KAZN: variants seen among roughly 807,000 people sequenced by gnomAD.
KAZN encodes kazrin.
A neutral mutation model predicts 87.4 loss-of-function variants in KAZN; 40 were observed. That is an observed-to-expected ratio of 0.46 (90% CI 0.36 to 0.60). KAZN has a LOEUF of 0.60. Ranked by LOEUF, KAZN falls within the 20% of genes least tolerant of loss-of-function variation. The pLI is 0.00. For synonymous variants in KAZN, 466 were observed against 458.3 expected (o/e 1.02, Z -0.22); for missense variants, 898 against 1,073.9 (o/e 0.84, Z 2.29).
intron 2 of KAZN, among the ~76,000 whole-genome samples, chr1:15,030,279 A>AT (rs1342900981): frequency 6.6e-6 from 1 of 151,808 alleles, no homozygotes; most frequent in Non-Finnish European, 1.5e-5. Flanking sequence ...GTATTACTTT[A>AT]TTTTTTGAGA....
At chr1:14,141,834 T>C (rs559692402) in intron 1 of KAZN, among the ~76,000 whole-genome samples, 24 of 152,222 alleles carry the variant, frequency 1.6e-4, no homozygotes, top group Non-Finnish European at 3.2e-4. Context: ...TAATGGCGTG[T>C]TTTTGTTTGT....
At position 14,420,875 on chromosome 1, in the gene KAZN, C is replaced by G. The variant is rs532392161; in HGVS notation, c.250-178108C>G. On this transcript the variant is annotated intron_variant, in intron 2 of 16. Transcript: ENST00000636203. ...GCTGCGCACAGCCCCGGTTGCCGCCCGCACCTCTCCCTCCACACCTCCCCT... is the reference window on the plus strand; with the variant it reads ...GCTGCGCACAGCCCCGGTTGCCGCCGGCACCTCTCCCTCCACACCTCCCCT... Among the ~76,000 whole-genome samples the G allele has an allele frequency of 7.2e-5, 11 of 152,120 alleles. No individual in the cohort carries two copies. In the South Asian group the frequency reaches 1.9e-3, roughly 26 times the overall value.
chr1:14,013,604 A>AGG (rs1461649211), intron 1 of KAZN, among the ~76,000 whole-genome samples: 1 of 152,216 alleles, frequency 6.6e-6, no homozygotes, highest in Non-Finnish European at 1.5e-5. Context: ...GGCACCAGAA[A>AGG]GGAAGGGTTC....
At chr1:13,978,705 T>G (rs896555429) in intron 1 of KAZN, among the ~76,000 whole-genome samples, 9 of 151,652 alleles carry the variant, frequency 5.9e-5, no homozygotes. Context: ...AAAAGTGAAG[T>G]GGGAAAATGT....
chr1:14,738,674 C>T (rs12125450), intron 1 of KAZN, among the ~76,000 whole-genome samples: 43,229 of 151,806 alleles, frequency 0.28, 7,514 homozygotes, highest in Middle Eastern at 0.45. Flanking sequence ...ACTGAGGCCC[C>T]GGGAACTGTG....
intron 1 of KAZN, among the ~76,000 whole-genome samples, chr1:14,154,239 T>C (rs1462384937): frequency 6.6e-6 from 1 of 152,218 alleles, no homozygotes; most frequent in Non-Finnish European, 1.5e-5. Flanking sequence ...TTCCTAGGTA[T>C]TTAATGTTCT....
At chr1:14,801,369 G>A (rs11590793) in intron 1 of KAZN, among the ~76,000 whole-genome samples, 12,027 of 152,200 alleles carry the variant, frequency 0.079, 984 homozygotes, top group African/African-American at 0.21. Flanking sequence ...ACGAGGGGTG[G>A]CACGCACAGG....
intron 1 of KAZN, among the ~76,000 whole-genome samples, chr1:14,021,760 T>G (rs1640834390): frequency 6.6e-6 from 1 of 152,202 alleles, no homozygotes; most frequent in Admixed American, 6.5e-5. Context: ...GTCCTGATGG[T>G]CAGCATCTTA....
At chr1:14,311,151 C>G (rs1419810331) in intron 2 of KAZN, among the ~76,000 whole-genome samples, 1 of 152,190 alleles carries the variant, frequency 6.6e-6, no homozygotes, top group East Asian at 1.9e-4. Flanking sequence ...CCAGCCTTCT[C>G]TGCTGGACCA....
At chr1:14,231,294 G>T (rs1422114364) in intron 2 of KAZN, among the ~76,000 whole-genome samples, 1 of 152,066 alleles carries the variant, frequency 6.6e-6, no homozygotes, top group African/African-American at 2.4e-5. Flanking sequence ...CTGAATTGCT[G>T]GTTTGTACAT....
chr1:14,661,652 G>A (rs1639170579), intron 1 of KAZN, among the ~76,000 whole-genome samples: 3 of 145,994 alleles, frequency 2.1e-5, no homozygotes, highest in Non-Finnish European at 4.5e-5. Flanking sequence ...AGCACTTTGG[G>A]ATTGGGGGAC....
At chr1:14,776,926 CCT>C (rs560040165) in intron 1 of KAZN, among the ~76,000 whole-genome samples, 2 of 123,302 alleles carry the variant, frequency 1.6e-5, no homozygotes, top group African/African-American at 6.1e-5. Context: ...TGAGCAATAC[CCT>C]GTCTCAAAAA....
intron 2 of KAZN, among the ~76,000 whole-genome samples, chr1:14,470,841 A>G (rs1668417041): frequency 6.6e-6 from 1 of 152,068 alleles, no homozygotes. Context: ...TCCCTTCCAC[A>G]TTGAATAGAG....
At chr1:15,067,678 C>T (rs528752252) in intron 8 of KAZN, 1 of 985,426 alleles carries the variant, frequency 1.0e-6, no homozygotes, top group Admixed American at 6.1e-5. Flanking sequence ...GAACAAACAA[C>T]ACTTTCCTTC....
chr1:14,451,785 T>A (rs1481745488), intron 2 of KAZN, among the ~76,000 whole-genome samples: 2 of 152,094 alleles, frequency 1.3e-5, no homozygotes, highest in Non-Finnish European at 2.9e-5. Context: ...ATGGTGTAAG[T>A]TCTAGTCCAA....
chr1:14,246,170 T>A (rs1325462508), intron 2 of KAZN, among the ~76,000 whole-genome samples: 1 of 152,032 alleles, frequency 6.6e-6, no homozygotes, highest in African/African-American at 2.4e-5. Flanking sequence ...CTGGGTCCTG[T>A]TGGGGGAGAT....
intron 2 of KAZN, among the ~76,000 whole-genome samples, chr1:14,567,904 A>G (rs952023173): frequency 6.6e-6 from 1 of 152,154 alleles, no homozygotes; most frequent in Non-Finnish European, 1.5e-5. Context: ...AACCACCCCT[A>G]AGATTCTCAC....
At position 14,478,247 on chromosome 1, in the gene KAZN, A is replaced by AGG. The variant is rs1557747490; in HGVS notation, c.250-120736_250-120735insGG. On this transcript the variant is annotated intron_variant, in intron 2 of 16. Coordinates refer to the KAZN transcript ENST00000636203. ...ATAGAAGGAAGGAAGGAAGGAAGGA[A>AGG]AAGAAGGAAGGAAGGAAGGAAGGAA... is the stretch of plus-strand genomic sequence containing the variant. Among the ~76,000 whole-genome samples the AGG allele has an allele frequency of 3.8e-3, 410 of 108,530 alleles. 2 individuals are homozygous for AGG. Among genetic ancestry groups the AGG allele is most frequent in the African/African-American group, 0.013 (356 of 27,792 alleles). 71.2% of individuals were successfully genotyped at this position (108,530 alleles called of 152,430 possible). A position where few individuals can be genotyped will look rare whatever the true frequency, so the allele number is the denominator to read the frequency against.
chr1:14,710,776 C>T (rs1444746262), intron 1 of KAZN, among the ~76,000 whole-genome samples: 1 of 152,208 alleles, frequency 6.6e-6, no homozygotes, highest in Non-Finnish European at 1.5e-5. Flanking sequence ...TGATGTCTGT[C>T]TTCCTCCAGT....
Sources: allele counts gnomAD v4.1 joint callset (sites outside exome capture counted in the v4.1 genomes callset), GRCh38; gene constraint gnomAD v4.1.1; transcripts MANE v1.5; gene names NCBI Gene and HGNC (gene_info 2026-07-23, HGNC 2026-07-21).